Variants in CNBD1 observed in about 807,000 individuals in gnomAD.
CNBD1 encodes the protein cyclic nucleotide binding domain containing 1.
Under a neutral mutation model 54.4 loss-of-function variants are expected in CNBD1, and 71 were observed. That is an observed-to-expected ratio of 1.30 (90% CI 1.08 to 1.59). The LOEUF (loss-of-function observed/expected upper bound fraction) is 1.59. CNBD1 is among the 40% of genes most tolerant of loss of function. The pLI is 0.00. For missense variants in CNBD1, 659 were observed against 518.0 expected, an observed-to-expected ratio of 1.27 and a Z score of -2.64; for synonymous variants, 182 against 170.7, an observed-to-expected ratio of 1.07 and a Z score of -0.51.
chr8:86,989,600 G>A (rs908783114), intron 4 of CNBD1, among the ~76,000 whole-genome samples: 3 of 152,048 alleles, frequency 2.0e-5, no homozygotes, highest in Middle Eastern at 3.2e-3. Flanking sequence ...ACAGGCACAT[G>A]CCACCATGCC....
At chr8:87,424,200 A>G (rs535934926) in intron 2 of CNBD1, among the ~76,000 whole-genome samples, 3 of 151,568 alleles carry the variant, frequency 2.0e-5, no homozygotes, top group East Asian at 1.9e-4. Context: ...CGGTCTATCT[A>G]TTTTGTTGAT....
chr8:87,132,972 A>G (rs964463148), intron 4 of CNBD1, among the ~76,000 whole-genome samples: 3 of 151,504 alleles, frequency 2.0e-5, no homozygotes, highest in Non-Finnish European at 2.9e-5. Flanking sequence ...AAATTGAACA[A>G]TATTTATTGA....
intron 3 of CNBD1, among the ~76,000 whole-genome samples, chr8:86,916,067 A>G (rs1164196965): frequency 6.6e-6 from 1 of 152,162 alleles, no homozygotes; most frequent in Non-Finnish European, 1.5e-5. Context: ...AGAAAAGAGC[A>G]GGAAAAATAT....
chr8:87,405,800 G>A (rs78268647), intron 2 of CNBD1, among the ~76,000 whole-genome samples: 1 of 152,198 alleles, frequency 6.6e-6, no homozygotes, highest in East Asian at 1.9e-4. Flanking sequence ...ATACACCCTG[G>A]TCACTGTTTT....
chr8:87,389,127 A>C (rs1251724765), intron 2 of CNBD1, among the ~76,000 whole-genome samples: 2 of 152,162 alleles, frequency 1.3e-5, no homozygotes, highest in African/African-American at 4.8e-5. Context: ...ATTTATGACA[A>C]ACCCACAGCC....
intron 6 of CNBD1, among the ~76,000 whole-genome samples, chr8:87,275,370 T>C (rs1229734834): frequency 6.6e-6 from 1 of 151,734 alleles, no homozygotes; most frequent in Non-Finnish European, 1.5e-5. Flanking sequence ...TTGGGCAGTA[T>C]GGCCATTTTC....
At chr8:87,336,338 A>T (rs1737433442) in intron 8 of CNBD1, among the ~76,000 whole-genome samples, 1 of 152,010 alleles carries the variant, frequency 6.6e-6, no homozygotes, top group Non-Finnish European at 1.5e-5. Context: ...TACTCCAGTT[A>T]GTTGTAGGTT....
chr8:87,240,065 A>AACACAC lies in CNBD1; in HGVS notation c.771+2987_771+2992dup, dbSNP rs10608912. 4.1e-3 allele frequency among the ~76,000 whole-genome samples: 594 copies of AACACAC among 146,508 alleles called. 3 individuals carry two copies. The highest frequency in any genetic ancestry group is 0.013 in the African/African-American group (537 of 39,972). ...ATAAATATAGTATGGTCTGTGCCAAAACACACACACACACACACACACACA... is the reference window on the plus strand; with the variant it reads ...ATAAATATAGTATGGTCTGTGCCAAAACACACACACACACACACACACACACACACA... On this transcript the variant is annotated intron_variant, in intron 6 of 10. Coordinates refer to ENST00000518476, the MANE Select transcript of CNBD1 (RefSeq NM_173538.3).
intron 3 of CNBD1, among the ~76,000 whole-genome samples, chr8:86,910,527 GTAAACAA>G (rs796784854): frequency 3.2e-4 from 48 of 152,340 alleles, no homozygotes; most frequent in African/African-American, 1.1e-3. Context: ...GATAGCCACT[GTAAACAA>G]TGAGTGCTTT....
At chr8:87,333,935 A>G (rs1244932709) in intron 8 of CNBD1, among the ~76,000 whole-genome samples, 5 of 152,132 alleles carry the variant, frequency 3.3e-5, no homozygotes, top group Non-Finnish European at 7.4e-5. Flanking sequence ...ATAGTTCCTG[A>G]AAGAATGGTA....
chr8:87,041,092 A>T (rs1231982985), intron 4 of CNBD1, among the ~76,000 whole-genome samples: 1 of 152,108 alleles, frequency 6.6e-6, no homozygotes, highest in East Asian at 1.9e-4. Context: ...ATTACTTTTC[A>T]CCAGCCTAAT....
chr8:87,241,046 A>C (rs994610934), intron 6 of CNBD1, among the ~76,000 whole-genome samples: 1 of 152,094 alleles, frequency 6.6e-6, no homozygotes, highest in Non-Finnish European at 1.5e-5. Context: ...CTGAGCCCAG[A>C]GGTCACTGGG....
At chr8:87,243,139 G>A (rs1291016056) in intron 6 of CNBD1, among the ~76,000 whole-genome samples, 1 of 152,154 alleles carries the variant, frequency 6.6e-6, no homozygotes, top group Admixed American at 6.5e-5. Flanking sequence ...GGATAATGAA[G>A]CCATGAGTAT....
intron 6 of CNBD1, among the ~76,000 whole-genome samples, chr8:87,250,946 A>G (rs1233068015): frequency 6.6e-6 from 1 of 152,124 alleles, no homozygotes. Flanking sequence ...ATAATAGTTT[A>G]TTGCATATTT....
chr8:87,390,484 GA>G (rs1201442721), intron 2 of CNBD1, among the ~76,000 whole-genome samples: 1 of 152,084 alleles, frequency 6.6e-6, no homozygotes, highest in East Asian at 1.9e-4. Flanking sequence ...AAAGAAACAT[GA>G]AAAAATGCTC....
At chr8:87,058,525 A>C (rs984721070) in intron 4 of CNBD1, among the ~76,000 whole-genome samples, 5 of 152,124 alleles carry the variant, frequency 3.3e-5, no homozygotes, top group Admixed American at 2.0e-4. Context: ...AGGCATTTCC[A>C]TACATCCTCT....
intron 4 of CNBD1, among the ~76,000 whole-genome samples, chr8:87,063,466 A>G (rs1041034390): frequency 4.0e-5 from 6 of 151,886 alleles, no homozygotes; most frequent in Non-Finnish European, 7.4e-5. Flanking sequence ...TCTGGGCTCT[A>G]TTTTCTTGCC....
chr8:87,240,479 T>C (rs1807671354), intron 6 of CNBD1, among the ~76,000 whole-genome samples: 1 of 152,142 alleles, frequency 6.6e-6, no homozygotes, highest in Admixed American at 6.5e-5. Flanking sequence ...CTCAATCAGA[T>C]CCTAGGTATT....
chr8:87,292,776 C>G (rs547931229), intron 8 of CNBD1, among the ~76,000 whole-genome samples: 1 of 152,170 alleles, frequency 6.6e-6, no homozygotes, highest in Non-Finnish European at 1.5e-5. Flanking sequence ...TGGAAGAAGT[C>G]AGGAGCAGCT....
Sources: gnomAD v4.1 joint callset for allele counts (sites outside exome capture counted in the v4.1 genomes callset) on GRCh38, gnomAD v4.1.1 for gene constraint, MANE v1.5 for transcripts, NCBI Gene and HGNC (gene_info 2026-07-23, HGNC 2026-07-21) for gene names.